HSPH1: variants seen among roughly 807,000 people sequenced by gnomAD.
The protein encoded by HSPH1 is heat shock protein 105 kDa.
HSPH1 carries 40 observed loss-of-function variants against 100.0 expected under a neutral mutation model. That is an observed-to-expected ratio of 0.40 (90% confidence interval 0.31 to 0.52). The LOEUF is 0.52. Among genes scored for constraint, HSPH1 ranks in the 20% least tolerant of loss-of-function variants. The pLI is 0.54. For missense variants in HSPH1, 876 were observed against 1,015.1 expected (o/e 0.86, Z 1.86); for synonymous variants, 403 against 344.0 (o/e 1.17, Z -1.90).
rs1956539229 is a variant in HSPH1, at chr13:31,152,901, T to C, written c.480A>G (p.Ala160=). 2 of 1,612,896 alleles carry C rather than the reference T, an allele frequency of 1.2e-6. No individual in the cohort carries two copies. The highest frequency in any genetic ancestry group is 1.7e-6 in the Non-Finnish European group (2 of 1,179,060). ...TTAAACAGTTTAGGCCAACAATCTG[T>C]GCAGCATCTAACACAGATCGCCTCT... ...DAERRSVLDA[A]QIVGLNCLRL... Residue 160 remains alanine (A), a synonymous_variant, in exon 5 of 18, where the codon GCA becomes GCG. Transcript: ENST00000320027.
At chr13:31,156,068 C>T (rs1956678219) in intron 2 of HSPH1, among the ~76,000 whole-genome samples, 1 of 152,174 alleles carries the variant, frequency 6.6e-6, no homozygotes, top group Non-Finnish European at 1.5e-5. Flanking sequence ...TCTAGTAGCA[C>T]TATAGCCAAA....
At chr13:31,144,832 G>A (rs911476992) in intron 11 of HSPH1, among the ~76,000 whole-genome samples, 3 of 152,116 alleles carry the variant, frequency 2.0e-5, no homozygotes, top group Admixed American at 1.3e-4. Flanking sequence ...TTTTCTAGAT[G>A]AGAATAAAAC....
At chr13:31,160,827 T>G (rs1956874073) in intron 1 of HSPH1, among the ~76,000 whole-genome samples, 1 of 152,162 alleles carries the variant, frequency 6.6e-6, no homozygotes, top group Non-Finnish European at 1.5e-5. Flanking sequence ...ATCCCGGGCA[T>G]TAAGGCCAAC....
At position 31,137,511 on chromosome 13, in the gene HSPH1, G is replaced by GTGTTGTTC; in HGVS notation, c.2376_2383dup (p.Thr795ArgfsTer9). The stretch of plus-strand genomic sequence containing the variant: ...CGGTTGTGTTACAACGGGTTCACAT[G>GTGTTGTTC]TGTTGTTCAATTCCTAAAGAAAACA... On this transcript the variant is annotated frameshift_variant, in exon 18 of 18. Transcript: ENST00000320027. LOFTEE classifies it high-confidence loss of function. 1 of 1,611,302 alleles carries GTGTTGTTC rather than the reference G, an allele frequency of 6.2e-7. No homozygotes were observed. Among genetic ancestry groups the GTGTTGTTC allele is most frequent in the Non-Finnish European group, 8.5e-7 (1 of 1,178,980 alleles).
In HSPH1 at chr13:31,151,088, G is replaced by C; in HGVS notation, c.767C>G (p.Ala256Gly). The change falls in exon 7 of 18, where the codon GCA becomes GGA. Residue 256 changes from alanine (A) to glycine (G), a missense_variant. Ala to Gly is a moderately conservative substitution (Grantham distance 60). Transcript: ENST00000320027. ...TAGGAGTGCTCGTATTTTGGATTTT[G>C]CATCCAACTTGTACTTAGTTTTAAA... ...AEFKTKYKLD[A>G]KSKIRALLRL... The C allele has an allele frequency of 6.2e-7, 1 of 1,613,694 alleles. No individual in the cohort carries two copies. Among genetic ancestry groups the C allele is most frequent in the East Asian group, 2.2e-5 (1 of 44,848 alleles).
At position 31,145,612 on chromosome 13, in the gene HSPH1, G is replaced by A; in HGVS notation, c.1535C>T (p.Ala512Val). Reference protein sequence around the residue: ...PTEENEMSSEADMECLNQRPP... With the variant: ...PTEENEMSSEVDMECLNQRPP... Reference sequence around the variant, plus strand: ...TCTCTGATTCAGACACTCCATGTCAGCTTCAGAAGACATTTCATTCTCCTC... The same window carrying A: ...TCTCTGATTCAGACACTCCATGTCAACTTCAGAAGACATTTCATTCTCCTC... The change falls in exon 11 of 18, where the codon GCT becomes GTT. Residue 512 changes from alanine (A) to valine (V), a missense_variant. Transcript: ENST00000320027. 1 of 1,613,570 alleles carries A rather than the reference G, an allele frequency of 6.2e-7. No homozygotes were observed. Among genetic ancestry groups the A allele is most frequent in the Non-Finnish European group, 8.5e-7 (1 of 1,179,748 alleles).
intron 1 of HSPH1, 128 bp downstream of exon 1, chr13:31,161,348 G>C: frequency 1.4e-6 from 2 of 1,465,754 alleles, no homozygotes; most frequent in African/African-American, 1.4e-5. Flanking sequence ...CTAGTTCCAC[G>C]GAGGGGTGCG....
intron 14 of HSPH1, chr13:31,139,328 G>A (rs983980227): frequency 7.9e-6 from 4 of 505,026 alleles, no homozygotes; most frequent in East Asian, 3.0e-5. Context: ...GTTTCTAGAA[G>A]AGTATCTTCC....
Position 31,151,105 on chromosome 13 carries a change from A to C in HSPH1, c.750T>G (p.Thr250=). ...LVEHFCAEFK[T]KYKLDAKSKI... is the part of the protein sequence containing the mutation. ...TGGATTTTGCATCCAACTTGTACTT[A>C]GTTTTAAATTCTGCACAAAAATGTT... Residue 250 remains threonine, a synonymous_variant, in exon 7 of 18, where the codon ACT becomes ACG. Transcript: ENST00000320027. 1 of 1,613,716 alleles carries C rather than the reference A, an allele frequency of 6.2e-7. No homozygotes were observed. The highest frequency in any genetic ancestry group is 1.1e-5 in the South Asian group (1 of 91,068).
Position 31,140,272 on chromosome 13 carries a change from C to T in HSPH1, c.1892G>A (p.Arg631Lys), listed in dbSNP as rs772677801. Residue 631 changes from arginine (R) to lysine (K), a missense_variant, in exon 14 of 18, where the codon AGG (arginine) becomes AAG (lysine). Arg to Lys is a conservative substitution (Grantham distance 26). Transcript: ENST00000320027. ...CTCAACTGCATTTTTAGCATCATTC[C>T]TTTCTTTTTCCAATTTATCTTGCAT... ...MIMQDKLEKE[R>K]NDAKNAVEEY... The T allele has an allele frequency of 1.9e-6, 3 of 1,610,954 alleles. No individual in the cohort carries two copies. The South Asian group carries it at 3.3e-5, about 18-fold the overall frequency.
chr13:31,151,836 T>A, intron 5 of HSPH1, 94 bp from the exon 6 acceptor site: 1 of 1,070,224 alleles, frequency 9.3e-7, no homozygotes, highest in Non-Finnish European at 1.4e-6. Flanking sequence ...GCTTGACTAT[T>A]AACTTGAAAC....
At chr13:31,152,687 C>G (rs924854262) in intron 5 of HSPH1, 165 bp downstream of exon 5, 6 of 485,772 alleles carry the variant, frequency 1.2e-5, no homozygotes, top group Non-Finnish European at 2.2e-5. Flanking sequence ...GATAAAATAC[C>G]AATTTCTCAT....
intron 2 of HSPH1, among the ~76,000 whole-genome samples, chr13:31,156,103 A>G (rs1461397174): frequency 6.6e-6 from 1 of 152,184 alleles, no homozygotes; most frequent in African/African-American, 2.4e-5. Context: ...AAAAAAGTTA[A>G]TTTTTGGCCA....
Position 31,161,731 on chromosome 13 carries a change from AG to A in HSPH1, c.-150del. 1 of 1,533,544 alleles carries A rather than the reference AG, an allele frequency of 6.5e-7. No individual in the cohort carries two copies. Among genetic ancestry groups the A allele is most frequent in the Non-Finnish European group, 8.7e-7 (1 of 1,145,598 alleles). 95.0% of individuals were successfully genotyped at this position (1,533,544 alleles called of 1,614,324 possible). A position where few individuals can be genotyped will look rare whatever the true frequency, so the allele number is the denominator to read the frequency against. On this transcript the variant is annotated 5_prime_UTR_variant, in exon 1 of 18. Coordinates refer to ENST00000320027, the MANE Select transcript of HSPH1 (RefSeq NM_006644.4). ...TCCTCTGACACTCAGAAGGACACAC[AG>A]ACAGCCGCGGCCTGTCAGGAGCCTC... is the stretch of plus-strand genomic sequence containing the variant.
intron 10 of HSPH1, among the ~76,000 whole-genome samples, chr13:31,146,398 T>TA (rs1219173740): frequency 6.6e-6 from 1 of 152,162 alleles, no homozygotes; most frequent in Non-Finnish European, 1.5e-5. Flanking sequence ...AAGATACTGA[T>TA]AACAAGCAGT....
In HSPH1 at chr13:31,140,238, C is replaced by A. The variant is rs779835850; in HGVS notation, c.1926G>T (p.Val642=). Reference sequence around the variant, plus strand: ...CACACAGCTTGTCTCTGAACTCATACACATATTCCTCAACTGCATTTTTAG... The same window carrying A: ...CACACAGCTTGTCTCTGAACTCATAAACATATTCCTCAACTGCATTTTTAG... ...NDAKNAVEEY[V]YEFRDKLCGP... is the part of the protein sequence containing the mutation. The change falls in exon 14 of 18, where the codon GTG becomes GTT. Residue 642 remains valine (V), a synonymous_variant. Transcript: ENST00000320027. 1.2e-5 allele frequency: 19 copies of A among 1,611,596 alleles called. No homozygotes were observed. In the African/African-American group the frequency reaches 2.5e-4, roughly 22 times the overall value.
chr13:31,152,960 A>G lies in HSPH1; in HGVS notation c.430-9T>C, dbSNP rs776156283. 4 of 1,594,872 alleles carry G rather than the reference A, an allele frequency of 2.5e-6. No individual in the cohort carries two copies. The highest frequency in any genetic ancestry group is 3.4e-5 in the Admixed American group (2 of 59,624). ...GTAAAGAAGGAGGGGACCTACAAAC[A>G]AACAAAAAATTTTGAATTATCTAGA... is the stretch of plus-strand genomic sequence containing the variant. On this transcript the variant is annotated splice_polypyrimidine_tract_variant and intron_variant, in intron 4 of 17. Transcript: ENST00000320027.
Position 31,136,088 on chromosome 13 carries a change from C to T in HSPH1, c.*1230G>A, listed in dbSNP as rs187888062. On this transcript the variant is annotated 3_prime_UTR_variant, in exon 18 of 18. Transcript: ENST00000320027. ...CCTATCCTAAGTGCATGTGTCTTCT[C>T]CCCTACCTCCAACACTACTTCAATT... 6.6e-6 allele frequency: 1 copy of T among 152,216 alleles called. No homozygotes were observed. Among genetic ancestry groups the T allele is most frequent in the African/African-American group, 2.4e-5 (1 of 41,542 alleles). The allele number at this position is 152,216 out of a possible 1,614,324, so 9.4% of individuals were successfully genotyped here. A position where few individuals can be genotyped will look rare whatever the true frequency, so the allele number is the denominator to read the frequency against.
intron 10 of HSPH1, among the ~76,000 whole-genome samples, 182 bp from the exon 11 acceptor site, chr13:31,145,950 A>G (rs1375186286): frequency 6.6e-6 from 1 of 152,042 alleles, no homozygotes; most frequent in African/African-American, 2.4e-5. Flanking sequence ...ATCTGTCTCT[A>G]CAAAAAAAAT....
Sources: allele counts gnomAD v4.1 joint callset (sites outside exome capture counted in the v4.1 genomes callset), GRCh38; gene constraint gnomAD v4.1.1; transcripts MANE v1.5; gene names NCBI Gene and HGNC (gene_info 2026-07-23, HGNC 2026-07-21).